The following PACRG variants were observed in gnomAD, a reference collection of about 807,000 sequenced individuals.
PACRG encodes the protein parkin coregulated gene protein.
Under a neutral mutation model 29.7 loss-of-function variants are expected in PACRG, and 29 were observed. That is an observed-to-expected ratio of 0.98 (90% CI 0.73 to 1.33). The LOEUF is 1.33. PACRG is among the 40% of genes most tolerant of loss of function. The probability of loss-of-function intolerance (pLI) is 0.00; values close to 1 mark genes in which losing one functional copy is unlikely to be tolerated. For synonymous variants in PACRG, 116 were observed against 118.7 expected (o/e 0.98, Z 0.15); for missense variants, 279 against 316.2 (o/e 0.88, Z 0.89).
chr6:162,926,393 CT>C (rs1797443155), intron 2 of PACRG, among the ~76,000 whole-genome samples: 1 of 152,154 alleles, frequency 6.6e-6, no homozygotes, highest in African/African-American at 2.4e-5. Context: ...CACTACCTGA[CT>C]TCAAACTATA....
intron 3 of PACRG, among the ~76,000 whole-genome samples, chr6:163,070,896 A>C (rs1811981532): frequency 6.6e-6 from 1 of 152,112 alleles, no homozygotes; most frequent in African/African-American, 2.4e-5. Context: ...AAAGAGCAGA[A>C]GTTGCTATAC....
chr6:163,102,360 T>A (rs1815143913), intron 4 of PACRG, among the ~76,000 whole-genome samples: 1 of 152,206 alleles, frequency 6.6e-6, no homozygotes, highest in South Asian at 2.1e-4. Flanking sequence ...ATGCTCTCTC[T>A]TAGCTAATGA....
intron 1 of PACRG, among the ~76,000 whole-genome samples, chr6:162,783,036 C>T (rs1784208924): frequency 6.6e-6 from 1 of 151,812 alleles, no homozygotes. Flanking sequence ...CCACTAACTT[C>T]ATGATAAAAA....
chr6:162,990,450 T>C (rs1260389478), intron 2 of PACRG, among the ~76,000 whole-genome samples: 2 of 149,408 alleles, frequency 1.3e-5, no homozygotes, highest in Non-Finnish European at 3.0e-5. Flanking sequence ...TGAGATGATA[T>C]CTCAGAGTGG....
At chr6:163,208,005 G>A (rs1002959558) in intron 4 of PACRG, among the ~76,000 whole-genome samples, 3 of 152,208 alleles carry the variant, frequency 2.0e-5, no homozygotes, top group Non-Finnish European at 2.9e-5. Context: ...GGAGCATATG[G>A]AAGTGGCCTG....
chr6:163,010,728 A>G (rs564968739), intron 2 of PACRG, among the ~76,000 whole-genome samples: 10 of 152,342 alleles, frequency 6.6e-5, no homozygotes, highest in Admixed American at 1.3e-4. Flanking sequence ...TCACTCAACG[A>G]GAAACACTCA....
intron 2 of PACRG, among the ~76,000 whole-genome samples, chr6:162,821,286 G>A (rs116764999): frequency 0.01 from 1,561 of 152,152 alleles, 37 homozygotes; most frequent in African/African-American, 0.035. Flanking sequence ...TAGGGCATAC[G>A]CCATCTCATC....
chr6:163,067,439 G>T (rs1183196995), intron 3 of PACRG, among the ~76,000 whole-genome samples: 1 of 152,190 alleles, frequency 6.6e-6, no homozygotes, highest in Non-Finnish European at 1.5e-5. Context: ...TTCATAATGT[G>T]CATGATTAGA....
intron 2 of PACRG, among the ~76,000 whole-genome samples, chr6:162,834,187 G>A (rs1201147095): frequency 1.3e-5 from 2 of 152,056 alleles, no homozygotes; most frequent in South Asian, 2.1e-4. Context: ...AGAGAAGAAA[G>A]TTAAGTCAGT....
chr6:163,306,489 T>C (rs755597719), intron 4 of PACRG, among the ~76,000 whole-genome samples: 4 of 152,224 alleles, frequency 2.6e-5, no homozygotes, highest in Non-Finnish European at 2.9e-5. Context: ...CTTGCCTTTT[T>C]GTAGTCTTGA....
At chr6:163,239,703 TACAC>T (rs1172530268) in intron 4 of PACRG, among the ~76,000 whole-genome samples, 15 of 100,132 alleles carry the variant, frequency 1.5e-4, no homozygotes, top group Admixed American at 8.6e-4. Context: ...CACTCCCACA[TACAC>T]ACACACGCAC....
chr6:163,204,713 G>A (rs1780834520), intron 4 of PACRG, among the ~76,000 whole-genome samples: 1 of 152,130 alleles, frequency 6.6e-6, no homozygotes, highest in South Asian at 2.1e-4. Context: ...CATAAGAAAT[G>A]TTTCTGGAAG....
intron 4 of PACRG, among the ~76,000 whole-genome samples, chr6:163,296,898 A>G (rs1009170137): frequency 7.2e-5 from 11 of 152,192 alleles, no homozygotes; most frequent in Non-Finnish European, 1.6e-4. Context: ...ACAGGCCATA[A>G]CTACATAAAG....
At chr6:162,937,819 G>A (rs1490435299) in intron 2 of PACRG, among the ~76,000 whole-genome samples, 1 of 152,056 alleles carries the variant, frequency 6.6e-6, no homozygotes, top group Non-Finnish European at 1.5e-5. Flanking sequence ...TCTAGGAAGT[G>A]AAAATTTGAG....
chr6:162,809,975 C>G (rs1054185145), intron 1 of PACRG, among the ~76,000 whole-genome samples: 1 of 152,154 alleles, frequency 6.6e-6, no homozygotes, highest in African/African-American at 2.4e-5. Flanking sequence ...GAGTTGTCTC[C>G]TTCCCATTGG....
At chr6:162,855,790 T>G (rs768433881) in intron 2 of PACRG, among the ~76,000 whole-genome samples, 3 of 152,202 alleles carry the variant, frequency 2.0e-5, no homozygotes, top group African/African-American at 7.2e-5. Context: ...GATGCCTCCA[T>G]AGGGCGTAGC....
chr6:163,244,153 A>G (rs1431670635), intron 4 of PACRG, among the ~76,000 whole-genome samples: 1 of 152,238 alleles, frequency 6.6e-6, no homozygotes, highest in Non-Finnish European at 1.5e-5. Context: ...CTAATCTGGA[A>G]TATAGTCTCC....
intron 4 of PACRG, among the ~76,000 whole-genome samples, chr6:163,299,821 G>C (rs997951076): frequency 2.0e-5 from 3 of 152,220 alleles, no homozygotes; most frequent in Non-Finnish European, 4.4e-5. Flanking sequence ...AGAGGTTGCA[G>C]TGAGCTGAGA....
intron 3 of PACRG, 96 bp downstream of exon 3, chr6:163,062,417 T>A: frequency 7.5e-7 from 1 of 1,328,520 alleles, no homozygotes; most frequent in Non-Finnish European, 1.0e-6. Context: ...ACTGAGGTGA[T>A]CCCCAGTTTT....
Sources: allele counts gnomAD v4.1 joint callset (sites outside exome capture counted in the v4.1 genomes callset), GRCh38; gene constraint gnomAD v4.1.1; transcripts MANE v1.5; gene names NCBI Gene and HGNC (gene_info 2026-07-23, HGNC 2026-07-21).